Variants in PPARG observed in about 807,000 individuals in gnomAD.
PPARG encodes the protein peroxisome proliferator activated receptor gamma, also known as peroxisome proliferator-activated receptor gamma.
Under a neutral mutation model 39.2 loss-of-function variants are expected in PPARG, and 17 were observed. The observed-to-expected ratio is 0.43, with a 90% CI of 0.30 to 0.65. The LOEUF (loss-of-function observed/expected upper bound fraction) is 0.65. PPARG is among the 30% of genes least tolerant of loss of function. The pLI, the probability that PPARG is intolerant of heterozygous loss-of-function variation, is 0.13. For missense variants in PPARG, 406 were observed against 585.9 expected, an observed-to-expected ratio of 0.69 and a Z score of 3.17; for synonymous variants, 223 against 215.7, an observed-to-expected ratio of 1.03 and a Z score of -0.30.
intron 7 of PPARG, among the ~76,000 whole-genome samples, chr3:12,433,548 A>AAAAAG (rs1177286754): frequency 1.3e-4 from 19 of 151,734 alleles, no homozygotes; most frequent in Admixed American, 7.9e-4. Flanking sequence ...AAAAAAAAAA[A>AAAAAG]AAAAGAAAAG....
chr3:12,296,951 C>A (rs13088728), intron 1 of PPARG, among the ~76,000 whole-genome samples: 36,313 of 151,924 alleles, frequency 0.24, 5,167 homozygotes, highest in Middle Eastern at 0.34. Context: ...TCTATAATTT[C>A]AAGGATTGAA....
At chr3:12,396,250 T>C (rs1393182150) in intron 5 of PPARG, among the ~76,000 whole-genome samples, 1 of 152,024 alleles carries the variant, frequency 6.6e-6, no homozygotes, top group Non-Finnish European at 1.5e-5. Flanking sequence ...GCCTCCTGAG[T>C]AGCTGGGATT....
intron 5 of PPARG, among the ~76,000 whole-genome samples, chr3:12,397,895 C>T (rs552631075): frequency 2.0e-5 from 3 of 152,206 alleles, no homozygotes; most frequent in Admixed American, 6.5e-5. Context: ...CCTCTCCCCA[C>T]CCCTGCCCAC....
At chr3:12,304,589 T>G (rs1377123178) in intron 1 of PPARG, among the ~76,000 whole-genome samples, 6 of 152,230 alleles carry the variant, frequency 3.9e-5, no homozygotes, top group Non-Finnish European at 5.9e-5. Context: ...AATATTTTGT[T>G]AAAATAGCCA....
chr3:12,429,743 G>A (rs955923012), intron 7 of PPARG, among the ~76,000 whole-genome samples: 4 of 152,048 alleles, frequency 2.6e-5, no homozygotes, highest in African/African-American at 9.7e-5. Context: ...CATCAAGCAG[G>A]AGGATCTGTA....
intron 1 of PPARG, among the ~76,000 whole-genome samples, chr3:12,300,974 A>T (rs1430799448): frequency 3.3e-5 from 5 of 152,314 alleles, no homozygotes; most frequent in African/African-American, 1.2e-4. Flanking sequence ...CTTGTATAGG[A>T]TTCTCCACAA....
chr3:12,390,787 A>G (rs1021841776), intron 4 of PPARG, among the ~76,000 whole-genome samples: 23 of 151,870 alleles, frequency 1.5e-4, no homozygotes, highest in Admixed American at 3.3e-4. Flanking sequence ...AGCTGTGACT[A>G]CAGGCGCATG....
intron 2 of PPARG, among the ~76,000 whole-genome samples, chr3:12,331,198 A>G (rs975922740): frequency 6.6e-6 from 1 of 152,236 alleles, no homozygotes; most frequent in Non-Finnish European, 1.5e-5. Flanking sequence ...AGTATTAACT[A>G]AAATGATGAG....
chr3:12,428,133 C>T (rs1226899714), intron 7 of PPARG, among the ~76,000 whole-genome samples: 3 of 152,180 alleles, frequency 2.0e-5, no homozygotes. Flanking sequence ...GGGAAACACC[C>T]AGCCCAGGTG....
intron 2 of PPARG, among the ~76,000 whole-genome samples, chr3:12,364,817 A>C (rs375981243): frequency 1.4e-4 from 21 of 152,356 alleles, no homozygotes; most frequent in Admixed American, 5.2e-4. Context: ...ACATGTTCAC[A>C]TGCCATCTAT....
At chr3:12,354,237 A>G (rs2048582326) in intron 2 of PPARG, among the ~76,000 whole-genome samples, 1 of 152,202 alleles carries the variant, frequency 6.6e-6, no homozygotes, top group South Asian at 2.1e-4. Flanking sequence ...TATAAGGACC[A>G]GTCCTTTGTT....
intron 2 of PPARG, among the ~76,000 whole-genome samples, chr3:12,356,273 C>G (rs114563992): frequency 6.6e-6 from 1 of 152,044 alleles, no homozygotes; most frequent in Non-Finnish European, 1.5e-5. Context: ...CAGTTTTGCA[C>G]CTGTAACTAA....
intron 1 of PPARG, among the ~76,000 whole-genome samples, chr3:12,307,421 A>T (rs923687581): frequency 2.0e-5 from 3 of 152,210 alleles, no homozygotes; most frequent in Non-Finnish European, 4.4e-5. Flanking sequence ...AGAGAATTGT[A>T]ATTTGACAGT....
At chr3:12,331,864 G>C (rs149306176) in intron 2 of PPARG, among the ~76,000 whole-genome samples, 1 of 152,278 alleles carries the variant, frequency 6.6e-6, no homozygotes, top group East Asian at 1.9e-4. Context: ...CAGTTTTAGG[G>C]AATAGAGGAT....
At chr3:12,370,607 A>G (rs2049176158) in intron 2 of PPARG, among the ~76,000 whole-genome samples, 1 of 152,188 alleles carries the variant, frequency 6.6e-6, no homozygotes, top group African/African-American at 2.4e-5. Context: ...ATATTCCATC[A>G]CATATTAAGC....
chr3:12,332,992 C>T (rs7627000), intron 2 of PPARG, among the ~76,000 whole-genome samples: 1 of 152,180 alleles, frequency 6.6e-6, no homozygotes, highest in African/African-American at 2.4e-5. Context: ...GTTCACACCA[C>T]TGCACTCCAA....
intron 5 of PPARG, among the ~76,000 whole-genome samples, chr3:12,404,020 A>G (rs2050568955): frequency 6.6e-6 from 1 of 152,172 alleles, no homozygotes; most frequent in Non-Finnish European, 1.5e-5. Context: ...AGGGACCCAG[A>G]CAAGCCTAGC....
chr3:12,363,303 A>G (rs868444108), intron 2 of PPARG, among the ~76,000 whole-genome samples: 54 of 152,322 alleles, frequency 3.5e-4, no homozygotes, highest in Admixed American at 1.1e-3. Flanking sequence ...ATATTGTAAT[A>G]CATTTGAAGA....
intron 7 of PPARG, among the ~76,000 whole-genome samples, chr3:12,426,536 C>CG (rs977914781): frequency 4.8e-5 from 7 of 144,736 alleles, no homozygotes; most frequent in African/African-American, 1.5e-4. Context: ...CGGAAAGCAG[C>CG]GGGGGGCAGG....
Sources: gnomAD v4.1 joint callset for allele counts (sites outside exome capture counted in the v4.1 genomes callset) on GRCh38, gnomAD v4.1.1 for gene constraint, MANE v1.5 for transcripts, NCBI Gene and HGNC (gene_info 2026-07-23, HGNC 2026-07-21) for gene names.